The following RIF1 variants were observed in gnomAD, a reference collection of about 807,000 sequenced individuals.
The protein encoded by RIF1 is telomere-associated protein RIF1.
RIF1 carries 45 observed loss-of-function variants against 247.1 expected under a neutral mutation model. The ratio of observed to expected loss-of-function variants is 0.18; its 90% CI spans 0.14 to 0.23. RIF1 has a LOEUF of 0.23. Ranked by LOEUF, RIF1 falls within the 10% of genes least tolerant of loss-of-function variation. The pLI is 1.00. For missense variants in RIF1, 2,967 were observed against 2,862.5 expected (o/e 1.04, Z -0.83); for synonymous variants, 1,087 against 978.8 (o/e 1.11, Z -2.06).
intron 11 of RIF1, among the ~76,000 whole-genome samples, chr2:151,499,781 G>A (rs2063039219): frequency 6.6e-6 from 1 of 152,096 alleles, no homozygotes. Context: ...TATTTAACAG[G>A]CCAAATCTAT....
At chr2:151,509,919 T>C (rs1469697138), downstream of RIF1, among the ~76,000 whole-genome samples, 2 of 152,208 alleles carry the variant, frequency 1.3e-5, no homozygotes, top group Admixed American at 1.3e-4. Flanking sequence ...AGAGTTTTTA[T>C]TTCTGTAACT....
chr2:151,474,302 A>C (rs1293894182), intron 35 of RIF1, among the ~76,000 whole-genome samples: 1 of 152,206 alleles, frequency 6.6e-6, no homozygotes, highest in Non-Finnish European at 1.5e-5. Flanking sequence ...TTTCTCTTCT[A>C]GTTATATTAA....
At chr2:151,530,882 C>G in the RIF1 span, 1 of 669,946 alleles carries the variant, frequency 1.5e-6, no homozygotes, top group Non-Finnish European at 2.6e-6. Context: ...TTTTAAGCCA[C>G]TAAGTTTTAG....
intron 23 of RIF1, among the ~76,000 whole-genome samples, 199 bp from the exon 24 acceptor site, chr2:151,457,562 G>T (rs1468042682): frequency 6.6e-6 from 1 of 150,994 alleles, no homozygotes; most frequent in African/African-American, 2.5e-5. Flanking sequence ...TAGAAAATAA[G>T]TTCAAAATTG....
At chr2:151,469,379 G>T (rs1264289239) in intron 33 of RIF1, among the ~76,000 whole-genome samples, 4 of 152,154 alleles carry the variant, frequency 2.6e-5, no homozygotes. Flanking sequence ...GGAATTTAAT[G>T]ATGCAGTAAT....
chr2:151,410,314 C>T (rs1685917502), intron 1 of RIF1, 100 bp from the exon 2 acceptor site: 3 of 895,154 alleles, frequency 3.4e-6, no homozygotes, highest in Non-Finnish European at 5.3e-6. Context: ...CTGTGAGGCC[C>T]GGGCGGGCGT....
chr2:151,493,756 T>G, intron 9 of RIF1: 1 of 1,500,690 alleles, frequency 6.7e-7, no homozygotes, highest in Non-Finnish European at 9.1e-7. Flanking sequence ...TAAGGATTTA[T>G]TTTTCCTTTC....
At chr2:151,531,543 G>A in the RIF1 span, among the ~76,000 whole-genome samples, 57 of 152,082 alleles carry the variant, frequency 3.7e-4, no homozygotes, top group African/African-American at 9.2e-4. Context: ...TCTCAAACTC[G>A]TGGCCTCAAG....
At position 151,497,943 on chromosome 2, in the gene RIF1, T is replaced by C. The variant is rs1286682351; in HGVS notation, c.*514-1402T>C. ...GAGGAAGGGCTGTCAGAGTTATCCA[T>C]GTTATTTTTTTTCATTTTTGTGAGT... On this transcript the variant is annotated intron_variant and NMD_transcript_variant, in intron 10 of 13. Coordinates refer to the RIF1 transcript ENST00000454583. 7.6e-6 allele frequency: 11 copies of C among 1,445,646 alleles called. No homozygotes were observed. The East Asian group carries it at 2.5e-4, about 33-fold the overall frequency. The allele number at this position is 1,445,646 out of a possible 1,614,324, so 89.6% of individuals were successfully genotyped here. A position where few individuals can be genotyped will look rare whatever the true frequency, so the allele number is the denominator to read the frequency against.
chr2:151,472,150 C>T (rs937929662), intron 34 of RIF1, among the ~76,000 whole-genome samples: 27 of 152,202 alleles, frequency 1.8e-4, no homozygotes, highest in Middle Eastern at 6.8e-3. Flanking sequence ...TGGGAGTTCA[C>T]TCATGATTTG....
chr2:151,460,216 A>C (rs1419858827), intron 26 of RIF1, 97 bp downstream of exon 26: 5 of 1,005,258 alleles, frequency 5.0e-6, no homozygotes, highest in Non-Finnish European at 5.6e-6. Context: ...TAAAAGACTA[A>C]ATAAAGGTTG....
chr2:151,415,688 A>T (rs989657899), intron 4 of RIF1, among the ~76,000 whole-genome samples: 4 of 151,808 alleles, frequency 2.6e-5, no homozygotes, highest in African/African-American at 9.7e-5. Context: ...AGCCTGGCCA[A>T]CCTGGAGAAA....
chr2:151,486,467 T>C (rs2050482493), downstream of RIF1: 1 of 155,674 alleles, frequency 6.4e-6, no homozygotes, highest in Non-Finnish European at 1.4e-5. Flanking sequence ...AAATACAGCA[T>C]TACCCTATGG....
Position 151,475,282 on chromosome 2 carries a change from G to T in RIF1, c.*211G>T. 2.0e-6 allele frequency: 1 copy of T among 511,514 alleles called. No individual in the cohort carries two copies. Among genetic ancestry groups the T allele is most frequent in the African/African-American group, 2.0e-5 (1 of 50,842 alleles). 31.7% of individuals were successfully genotyped at this position (511,514 alleles called of 1,614,324 possible). ...TTTTTTTTTCATAATATGTATTCTT[G>T]GCTGCTATGCGTGGTTTTTCAGGAA... On this transcript the variant is annotated 3_prime_UTR_variant, in exon 36 of 36. Coordinates refer to ENST00000444746, the MANE Select transcript of RIF1 (RefSeq NM_018151.5).
chr2:151,494,033 A>G (rs1470803697), intron 9 of RIF1: 3 of 928,778 alleles, frequency 3.2e-6, no homozygotes, highest in African/African-American at 3.3e-5. Context: ...ATGTAGTGTG[A>G]TATTTAGAGC....
At chr2:151,485,564 T>C (rs181615359), downstream of RIF1, 3 of 437,114 alleles carry the variant, frequency 6.9e-6, no homozygotes, top group East Asian at 9.9e-5. Context: ...AGAAATAATA[T>C]TGCAGAAGCT....
At chr2:151,467,342 TTTTG>T (rs903341813) in intron 30 of RIF1, among the ~76,000 whole-genome samples, 24 of 152,206 alleles carry the variant, frequency 1.6e-4, no homozygotes, top group African/African-American at 5.3e-4. Flanking sequence ...TTGTTTTTTG[TTTTG>T]TTTGTTTGTT....
rs543155316 is a variant in RIF1, at chr2:151,440,333, A to G, written c.1647+206A>G. On this transcript the variant is annotated intron_variant, in intron 15 of 35. Coordinates refer to ENST00000444746, the MANE Select transcript of RIF1 (RefSeq NM_018151.5). ...AATAGTGACTATAACAACAGCCACA[A>G]AAGTCTTCAACGTGGTAAGAAAAAA... Among the ~76,000 whole-genome samples the G allele has an allele frequency of 3.0e-4, 46 of 152,268 alleles. 1 individual carries two copies. Among genetic ancestry groups the G allele is most frequent in the African/African-American group, 1.1e-3 (46 of 41,582 alleles).
intron 8 of RIF1, among the ~76,000 whole-genome samples, chr2:151,425,660 CTTTTTTTTTTTT>C (rs34032157): frequency 2.4e-5 from 2 of 83,688 alleles, no homozygotes; most frequent in South Asian, 5.3e-4. Flanking sequence ...TTGTGGTACC[CTTTTTTTTTTTT>C]TTTTTTTTTT....
Sources: allele counts gnomAD v4.1 joint callset (sites outside exome capture counted in the v4.1 genomes callset), GRCh38; gene constraint gnomAD v4.1.1; transcripts MANE v1.5; gene names NCBI Gene and HGNC (gene_info 2026-07-23, HGNC 2026-07-21).